TTC39A: variants seen among roughly 807,000 people sequenced by gnomAD.
TTC39A encodes tetratricopeptide repeat protein 39A.
TTC39A carries 46 observed loss-of-function variants against 82.3 expected under a neutral mutation model. The observed-to-expected ratio is 0.56, with a 90% confidence interval of 0.44 to 0.71. The LOEUF (loss-of-function observed/expected upper bound fraction) is 0.71. TTC39A is among the 30% of genes least tolerant of loss of function. TTC39A has a pLI of 0.00. For missense variants in TTC39A, 543 were observed against 712.9 expected, an observed-to-expected ratio of 0.76 and a Z score of 2.71; for synonymous variants, 254 against 275.2, an observed-to-expected ratio of 0.92 and a Z score of 0.76.
chr1:51,289,832 T>C (rs912751059), intron 16 of TTC39A, among the ~76,000 whole-genome samples, 173 bp downstream of exon 16: 2 of 152,224 alleles, frequency 1.3e-5, no homozygotes, highest in Non-Finnish European at 2.9e-5. Flanking sequence ...GTCTGAATTA[T>C]CTGTACAGCT....
rs1425015039 is a variant in TTC39A at position 51,305,088 on chromosome 1, C to G, written c.647G>C (p.Gly216Ala). The change falls in exon 8 of 18, where the codon GGA becomes GCA. Residue 216 changes from glycine to alanine, a missense_variant. Gly to Ala is a moderately conservative substitution (Grantham distance 60). Transcript: ENST00000680483. ...LRLLEFVGFS[G>A]NKDYGLLQLE... is the part of the protein sequence containing the mutation. ...TAGGAGGCAGGTGGTTACCTTGTTT[C>G]CTGAAAACCCCACAAACTCCAACAG... 6.2e-7 allele frequency: 1 copy of G among 1,613,438 alleles called. No homozygotes were observed. Among genetic ancestry groups the G allele is most frequent in the East Asian group, 2.2e-5 (1 of 44,840 alleles).
chr1:51,306,853 A>ACACCCCCCC (rs1644885320), intron 6 of TTC39A, among the ~76,000 whole-genome samples: 1 of 60,184 alleles, frequency 1.7e-5, no homozygotes. Flanking sequence ...TAAGGGACAG[A>ACACCCCCCC]CCCCCCCCCC....
intron 6 of TTC39A, among the ~76,000 whole-genome samples, chr1:51,308,094 T>G (rs1644940643): frequency 6.6e-6 from 1 of 152,214 alleles, no homozygotes; most frequent in South Asian, 2.1e-4. Context: ...GTAGTAAGAT[T>G]GCTGTCACTG....
chr1:51,300,618 G>A (rs1644615423), intron 12 of TTC39A: 2 of 152,144 alleles, frequency 1.3e-5, no homozygotes. Flanking sequence ...TAAGACTCTT[G>A]GTTCCAATTT....
upstream of TTC39A, among the ~76,000 whole-genome samples, chr1:51,335,804 C>T (rs1181763434): frequency 6.6e-6 from 1 of 152,058 alleles, no homozygotes; most frequent in Non-Finnish European, 1.5e-5. Flanking sequence ...GGGATGCAAG[C>T]AGTGACACAT....
At chr1:51,293,199 C>T (rs1206807671) in intron 14 of TTC39A, among the ~76,000 whole-genome samples, 1 of 151,894 alleles carries the variant, frequency 6.6e-6, no homozygotes, top group Non-Finnish European at 1.5e-5. Flanking sequence ...TCCCGAGTAA[C>T]TGGGATTACA....
At chr1:51,311,123 G>T (rs1645066738) in intron 5 of TTC39A, 131 bp downstream of exon 5, 4 of 853,822 alleles carry the variant, frequency 4.7e-6, no homozygotes, top group Non-Finnish European at 7.0e-6. Context: ...GATGGGACAC[G>T]ATTGCTACAG....
intron 1 of TTC39A, among the ~76,000 whole-genome samples, chr1:51,344,363 G>A (rs1021570176): frequency 1.4e-4 from 22 of 152,152 alleles, no homozygotes; most frequent in African/African-American, 5.1e-4. Context: ...GAGAGGTCAG[G>A]GCTGTGGTCC....
intron 1 of TTC39A, among the ~76,000 whole-genome samples, chr1:51,341,454 C>T (rs1420483102): frequency 6.6e-6 from 1 of 152,162 alleles, no homozygotes; most frequent in Non-Finnish European, 1.5e-5. Flanking sequence ...ATGTGGTGTG[C>T]TGGCAGAACT....
intron 1 of TTC39A, among the ~76,000 whole-genome samples, chr1:51,336,470 T>G (rs1307790584): frequency 6.6e-6 from 1 of 152,068 alleles, no homozygotes; most frequent in Admixed American, 6.5e-5. Flanking sequence ...TCTACCTAAG[T>G]CTGGTCTCTA....
intron 14 of TTC39A, among the ~76,000 whole-genome samples, chr1:51,293,820 A>G (rs1644310613): frequency 6.6e-6 from 1 of 152,220 alleles, no homozygotes; most frequent in African/African-American, 2.4e-5. Flanking sequence ...TGACCTGGGC[A>G]AGTTATTTGA....
chr1:51,303,744 T>C (rs1195163517), intron 8 of TTC39A, among the ~76,000 whole-genome samples: 1 of 152,164 alleles, frequency 6.6e-6, no homozygotes, highest in Non-Finnish European at 1.5e-5. Flanking sequence ...CACTCCTGCC[T>C]CAAACCCTCC....
In TTC39A at chr1:51,321,981, G is replaced by A. The variant is rs1645542365; in HGVS notation, c.42-156C>T. 12 of 1,361,878 alleles carry A rather than the reference G, an allele frequency of 8.8e-6. No individual in the cohort carries two copies. The highest frequency in any genetic ancestry group is 1.2e-5 in the Non-Finnish European group (12 of 993,250). The allele number at this position is 1,361,878 out of a possible 1,614,324, so 84.4% of individuals were successfully genotyped here. ...GGCTGCCACTCTGTACTGGGACGCA[G>A]GGACAATTTGGACCCACCTCTTGGT... On this transcript the variant is annotated intron_variant, in intron 1 of 17. Coordinates refer to ENST00000680483, the MANE Select transcript of TTC39A (RefSeq NM_001297663.2). The surrounding 1 kb of genome is among the most constrained non-coding windows in gnomAD (Gnocchi z 4.6).
In TTC39A at chr1:51,321,765, G is replaced by A. The variant is rs375059628; in HGVS notation, c.102C>T (p.Phe34=). 2.5e-6 allele frequency: 4 copies of A among 1,613,850 alleles called. No homozygotes were observed. The highest frequency in any genetic ancestry group is 2.7e-5 in the African/African-American group (2 of 74,928). The change falls in exon 2 of 18, where the codon TTC becomes TTT. Residue 34 remains phenylalanine (F), a synonymous_variant. Transcript: ENST00000680483. This position sits in a 1 kb window ranked among gnomAD's most constrained non-coding sequence, Gnocchi z 4.6. ...GTGCTTCTGAGAACTGGTTGGTGAG[G>A]AAGAGGTCCAGGGCGGTCATGCACT... ...LDQCMTALDL[F]LTNQFSEALS...
At chr1:51,344,646 G>T (rs1187535455) in intron 1 of TTC39A, among the ~76,000 whole-genome samples, 1 of 152,248 alleles carries the variant, frequency 6.6e-6, no homozygotes. Context: ...TGAGAGGATG[G>T]AGGGTTGAGC....
At chr1:51,305,839 G>T in intron 7 of TTC39A, 138 bp downstream of exon 7, 1 of 830,374 alleles carries the variant, frequency 1.2e-6, no homozygotes, top group Middle Eastern at 3.2e-4. Flanking sequence ...CTGGCCACAT[G>T]TCTGGTCACC....
chr1:51,299,319 C>G (rs945457331), intron 12 of TTC39A: 1 of 152,218 alleles, frequency 6.6e-6, no homozygotes, highest in African/African-American at 2.4e-5. Context: ...GCAGGGGTCC[C>G]CCATCTGCTG....
At chr1:51,323,116 G>A (rs993292557) in intron 1 of TTC39A, among the ~76,000 whole-genome samples, 11 of 148,776 alleles carry the variant, frequency 7.4e-5, no homozygotes, top group Admixed American at 2.7e-4. Context: ...GATTACAGGC[G>A]TGAGACACCA....
chr1:51,302,753 G>C (rs1275287205), intron 9 of TTC39A, among the ~76,000 whole-genome samples, 180 bp from the exon 10 acceptor site: 1 of 152,170 alleles, frequency 6.6e-6, no homozygotes, highest in African/African-American at 2.4e-5. Flanking sequence ...ATCGCCCCCA[G>C]CACTTCACAG....
Sources: gnomAD v4.1 joint callset for allele counts (sites outside exome capture counted in the v4.1 genomes callset) on GRCh38, gnomAD v4.1.1 for gene constraint, Gnocchi (gnomAD v3.1) non-coding constraint, MANE v1.5 for transcripts, NCBI Gene and HGNC (gene_info 2026-07-23, HGNC 2026-07-21) for gene names.